The following RORA variants were observed in gnomAD, a reference collection of about 807,000 sequenced individuals.
RORA encodes nuclear receptor ROR-alpha.
A neutral mutation model predicts 69.5 loss-of-function variants in RORA; 7 were observed. The ratio of observed to expected loss-of-function variants is 0.10; its 90% CI spans 0.06 to 0.19. The LOEUF is 0.19. RORA is among the 10% of genes least tolerant of loss of function. The pLI, the probability that RORA is intolerant of heterozygous loss-of-function variation, is 1.00. For missense variants in RORA, 457 were observed against 663.0 expected (o/e 0.69, Z 3.41); for synonymous variants, 261 against 240.8 (o/e 1.08, Z -0.78).
chr15:61,142,112 A>C (rs545990562), intron 1 of RORA, among the ~76,000 whole-genome samples: 10 of 151,944 alleles, frequency 6.6e-5, no homozygotes, highest in Non-Finnish European at 8.8e-5. Flanking sequence ...AACAATCTTA[A>C]TTTCAAACTA....
intron 1 of RORA, among the ~76,000 whole-genome samples, chr15:61,007,301 A>G (rs998442456): frequency 2.6e-5 from 4 of 152,198 alleles, no homozygotes; most frequent in Non-Finnish European, 5.9e-5. Context: ...TGTTCCCATC[A>G]CATAATTGAT....
intron 1 of RORA, among the ~76,000 whole-genome samples, chr15:60,795,712 C>A (rs1188572130): frequency 2.6e-5 from 4 of 152,168 alleles, no homozygotes; most frequent in Admixed American, 2.0e-4. Context: ...TCAGAGGAGG[C>A]CTTCCTTATG....
rs143960860 is a variant in RORA at position 61,033,793 on chromosome 15, G to T, written c.166+195260C>A. Among the ~76,000 whole-genome samples, 746 of 152,198 alleles carry T rather than the reference G, an allele frequency of 4.9e-3. 2 individuals carry two copies. The highest frequency in any genetic ancestry group is 0.041 in the Middle Eastern group (12 of 292). ...GTAAAATATCTTATCAACAAGCCAG[G>T]CATGGTGGTGCATGCCTATAGTCCC... is the stretch of plus-strand genomic sequence containing the variant. On this transcript the variant is annotated intron_variant, in intron 1 of 10. Transcript: ENST00000335670.
intron 2 of RORA, among the ~76,000 whole-genome samples, chr15:60,595,591 T>C (rs909521145): frequency 3.3e-5 from 5 of 152,076 alleles, no homozygotes; most frequent in African/African-American, 1.2e-4. Context: ...AATAATCGTT[T>C]GGATTTTATT....
intron 3 of RORA, among the ~76,000 whole-genome samples, chr15:60,527,080 T>C (rs550331236): frequency 6.6e-6 from 1 of 152,364 alleles, no homozygotes; most frequent in African/African-American, 2.4e-5. Flanking sequence ...AAGTGTATAT[T>C]GGACAAATGA....
At chr15:61,092,980 C>A (rs2078730446) in intron 1 of RORA, among the ~76,000 whole-genome samples, 1 of 152,100 alleles carries the variant, frequency 6.6e-6, no homozygotes, top group African/African-American at 2.4e-5. Flanking sequence ...TATGACATTG[C>A]ACCTCCCAGC....
chr15:61,086,984 G>A (rs1317128816), intron 1 of RORA, among the ~76,000 whole-genome samples: 1 of 152,094 alleles, frequency 6.6e-6, no homozygotes, highest in African/African-American at 2.4e-5. Context: ...ACCAGCTTGG[G>A]CAACACAGCA....
chr15:60,844,420 T>A (rs2073239043), intron 1 of RORA, among the ~76,000 whole-genome samples: 1 of 152,200 alleles, frequency 6.6e-6, no homozygotes, highest in Non-Finnish European at 1.5e-5. Flanking sequence ...TTGTTGTTGT[T>A]GTCGTTTGCC....
At chr15:60,940,903 G>A (rs946039633) in intron 1 of RORA, among the ~76,000 whole-genome samples, 2 of 152,180 alleles carry the variant, frequency 1.3e-5, no homozygotes, top group African/African-American at 4.8e-5. Flanking sequence ...CTCCAGCCTG[G>A]CAGCAGAGTG....
At chr15:61,180,925 G>A (rs894110721) in intron 1 of RORA, among the ~76,000 whole-genome samples, 4 of 152,076 alleles carry the variant, frequency 2.6e-5, no homozygotes, top group South Asian at 2.1e-4. Context: ...CCAATATGGC[G>A]AAACCTCTTC....
intron 1 of RORA, among the ~76,000 whole-genome samples, chr15:60,801,277 C>A (rs535602324): frequency 1.3e-5 from 2 of 152,186 alleles, no homozygotes; most frequent in South Asian, 2.1e-4. Flanking sequence ...CCCCTCCCCC[C>A]TCCTTCGACA....
chr15:60,912,998 T>G (rs1345599985), intron 1 of RORA, among the ~76,000 whole-genome samples: 1 of 152,228 alleles, frequency 6.6e-6, no homozygotes, highest in Non-Finnish European at 1.5e-5. Flanking sequence ...ATAATTTAGT[T>G]TTAGAAACAA....
intron 1 of RORA, among the ~76,000 whole-genome samples, chr15:60,703,152 C>T (rs571824518): frequency 4.2e-4 from 64 of 152,062 alleles, no homozygotes; most frequent in African/African-American, 1.4e-3. Flanking sequence ...CACACACACA[C>T]ACACACACAC....
intron 1 of RORA, among the ~76,000 whole-genome samples, chr15:60,770,941 G>A (rs1323544699): frequency 6.6e-6 from 1 of 152,148 alleles, no homozygotes; most frequent in Admixed American, 6.5e-5. Context: ...TTTCAGATAA[G>A]CACCAAATAA....
chr15:61,140,334 T>C (rs2079286294), intron 1 of RORA, among the ~76,000 whole-genome samples: 1 of 152,188 alleles, frequency 6.6e-6, no homozygotes, highest in South Asian at 2.1e-4. Context: ...TGTTGCCTGG[T>C]AGGGATACTT....
rs575378321 is a variant in RORA, at chr15:60,651,823, C to G, written c.196+26834G>C. On this transcript the variant is annotated intron_variant, in intron 2 of 10. Coordinates refer to ENST00000335670, the MANE Select transcript of RORA (RefSeq NM_134261.3). ...AATCTGAGAGAGATAAATTTACAATCCACTTTAGGTTTATGTGGGGAACCA... is the reference window on the plus strand; with the variant it reads ...AATCTGAGAGAGATAAATTTACAATGCACTTTAGGTTTATGTGGGGAACCA... Among the ~76,000 whole-genome samples, 182 of 152,308 alleles carry G rather than the reference C, an allele frequency of 1.2e-3. 1 individual carries two copies. The highest frequency in any genetic ancestry group is 1.7e-3 in the Non-Finnish European group (113 of 68,032).
rs550956666 is a variant in RORA at position 61,115,776 on chromosome 15, G to T, written c.166+113277C>A. On this transcript the variant is annotated intron_variant, in intron 1 of 10. Coordinates refer to ENST00000335670, the MANE Select transcript of RORA (RefSeq NM_134261.3). The stretch of plus-strand genomic sequence containing the variant: ...AACAATGTGGGCACCAGAACTAAAT[G>T]ATCCAGTAATTATTCTACAAGGAGG... Among the ~76,000 whole-genome samples the T allele has an allele frequency of 2.0e-4, 31 of 152,270 alleles. No individual in the cohort carries two copies. The Middle Eastern group carries it at 0.014, about 67-fold the overall frequency.
At chr15:60,552,221 A>G (rs1041684793) in intron 2 of RORA, among the ~76,000 whole-genome samples, 1 of 152,100 alleles carries the variant, frequency 6.6e-6, no homozygotes, top group Admixed American at 6.5e-5. Flanking sequence ...GTCTTTTTAC[A>G]TTTTCCTCAG....
chr15:60,597,589 T>G (rs7174846), intron 2 of RORA, among the ~76,000 whole-genome samples: 1 of 22,876 alleles, frequency 4.4e-5, no homozygotes, highest in African/African-American at 1.6e-4. Flanking sequence ...TATATATATA[T>G]ATATACACAT....
Sources: allele counts gnomAD v4.1 joint callset (sites outside exome capture counted in the v4.1 genomes callset), GRCh38; gene constraint gnomAD v4.1.1; transcripts MANE v1.5; gene names NCBI Gene and HGNC (gene_info 2026-07-23, HGNC 2026-07-21).